HNRNPA1L2: variants seen among roughly 807,000 people sequenced by gnomAD.
HNRNPA1L2 encodes the protein heterogeneous nuclear ribonucleoprotein A1-like 2.
A neutral mutation model predicts 18.2 loss-of-function variants in HNRNPA1L2; 10 were observed. The observed-to-expected ratio is 0.55, with a 90% CI of 0.34 to 0.93. HNRNPA1L2 has a LOEUF of 0.93. Among genes scored for constraint, HNRNPA1L2 ranks in the 40% least tolerant of loss-of-function variants. The probability of loss-of-function intolerance (pLI) is 0.02; values close to 1 mark genes in which losing one functional copy is unlikely to be tolerated. For missense variants in HNRNPA1L2, 308 were observed against 394.4 expected (o/e 0.78, Z 1.85); for synonymous variants, 124 against 138.6 (o/e 0.89, Z 0.74).
chr13:52,632,855 T>C, the HNRNPA1L2 span, among the ~76,000 whole-genome samples: 1 of 152,224 alleles, frequency 6.6e-6, no homozygotes, highest in Admixed American at 6.5e-5. Context: ...CTGTTTTCCT[T>C]GATATGTTTT....
chr13:52,641,042 C>CT (rs1236351887), upstream of HNRNPA1L2: 2 of 152,230 alleles, frequency 1.3e-5, no homozygotes, highest in African/African-American at 4.8e-5. Flanking sequence ...ATGCAAACTT[C>CT]TGAACAGGGT....
At chr13:52,637,376 A>C in the HNRNPA1L2 span, 4 of 237,544 alleles carry the variant, frequency 1.7e-5, no homozygotes, top group African/African-American at 9.2e-5. Flanking sequence ...ACCCCTTGAG[A>C]ATGAGATTGA....
chr13:52,634,545 C>T, the HNRNPA1L2 span, among the ~76,000 whole-genome samples: 2 of 152,280 alleles, frequency 1.3e-5, no homozygotes, highest in African/African-American at 2.4e-5. Flanking sequence ...AGAATAGCAA[C>T]ATATGGAAAC....
chr13:52,631,489 G>A, the HNRNPA1L2 span, among the ~76,000 whole-genome samples: 5 of 152,130 alleles, frequency 3.3e-5, no homozygotes, highest in Non-Finnish European at 2.9e-5. Flanking sequence ...CCTGTTCACC[G>A]GACGTTCGGT....
the HNRNPA1L2 span, among the ~76,000 whole-genome samples, chr13:52,631,393 C>T: frequency 6.6e-6 from 1 of 152,176 alleles, no homozygotes; most frequent in Non-Finnish European, 1.5e-5. Context: ...ATGTCCATTC[C>T]CTTTCTCTGT....
the HNRNPA1L2 span, among the ~76,000 whole-genome samples, chr13:52,620,843 A>T: frequency 6.6e-6 from 1 of 151,790 alleles, no homozygotes; most frequent in African/African-American, 2.4e-5. Context: ...ACGCCACTGC[A>T]CTCCAGCCTG....
chr13:52,631,304 A>G, the HNRNPA1L2 span, among the ~76,000 whole-genome samples: 1 of 152,206 alleles, frequency 6.6e-6, no homozygotes, highest in Non-Finnish European at 1.5e-5. Context: ...TGAAAGTGAA[A>G]CCTAGCTTAA....
chr13:52,624,914 G>C, the HNRNPA1L2 span, among the ~76,000 whole-genome samples: 4 of 151,858 alleles, frequency 2.6e-5, no homozygotes, highest in Non-Finnish European at 5.9e-5. Flanking sequence ...GACTGTAATC[G>C]CAGTTACTCG....
the HNRNPA1L2 span, among the ~76,000 whole-genome samples, chr13:52,620,877 CAAA>C: frequency 2.1e-5 from 3 of 142,740 alleles, no homozygotes; most frequent in African/African-American, 7.8e-5. Flanking sequence ...GACCCTGTCT[CAAA>C]AAAAAAAAAA....
the HNRNPA1L2 span, among the ~76,000 whole-genome samples, chr13:52,621,751 CA>C: frequency 0.25 from 37,604 of 151,972 alleles, 5,775 homozygotes; most frequent in Middle Eastern, 0.36. Flanking sequence ...TCCTTATCTG[CA>C]AAATGGAGAC....
chr13:52,619,919 CAAAAAAAAAAA>C, the HNRNPA1L2 span, among the ~76,000 whole-genome samples: 6 of 69,148 alleles, frequency 8.7e-5, no homozygotes, highest in East Asian at 5.0e-4. Context: ...GATTCCGTCT[CAAAAAAAAAAA>C]AAAAAAAAAA....
chr13:52,640,121 T>A (rs1220774315), upstream of HNRNPA1L2, among the ~76,000 whole-genome samples: 3 of 152,136 alleles, frequency 2.0e-5, no homozygotes, highest in Admixed American at 1.3e-4. Context: ...TGTGTATTTT[T>A]GTAGAAAGGG....
chr13:52,621,354 T>C, the HNRNPA1L2 span, among the ~76,000 whole-genome samples: 320 of 152,326 alleles, frequency 2.1e-3, no homozygotes, highest in Non-Finnish European at 3.5e-3. Context: ...TTGATGAGAA[T>C]GTTGATCAGA....
At chr13:52,623,836 G>A in the HNRNPA1L2 span, among the ~76,000 whole-genome samples, 11,439 of 152,256 alleles carry the variant, frequency 0.075, 571 homozygotes, top group African/African-American at 0.14. Flanking sequence ...TGGGTTAGCA[G>A]TTTGGCTGGA....
chr13:52,622,046 A>G, the HNRNPA1L2 span: 1 of 157,222 alleles, frequency 6.4e-6, no homozygotes. Flanking sequence ...GTAGCAAGAA[A>G]GTTGAGCAGT....
chr13:52,637,915 T>C (rs948883089), upstream of HNRNPA1L2, among the ~76,000 whole-genome samples: 13 of 152,162 alleles, frequency 8.5e-5, no homozygotes, highest in African/African-American at 3.1e-4. Flanking sequence ...TTTCAAGGAA[T>C]GAATGGAAAT....
chr13:52,635,892 G>A, the HNRNPA1L2 span, among the ~76,000 whole-genome samples: 9 of 149,340 alleles, frequency 6.0e-5, no homozygotes, highest in South Asian at 4.2e-4. Context: ...GTGCAATGGC[G>A]CGACCTCGGC....
chr13:52,626,018 G>T, the HNRNPA1L2 span, among the ~76,000 whole-genome samples: 1 of 151,932 alleles, frequency 6.6e-6, no homozygotes, highest in East Asian at 1.9e-4. Flanking sequence ...GAGCTCAAGC[G>T]ATCCTCCCTC....
chr13:52,618,542 G>A, the HNRNPA1L2 span, among the ~76,000 whole-genome samples: 1 of 152,214 alleles, frequency 6.6e-6, no homozygotes, highest in Non-Finnish European at 1.5e-5. Flanking sequence ...GACATCATGG[G>A]ATAATGGTAG....
Sources: gnomAD v4.1 joint callset for allele counts (sites outside exome capture counted in the v4.1 genomes callset) on GRCh38, gnomAD v4.1.1 for gene constraint, MANE v1.5 for transcripts, NCBI Gene and HGNC (gene_info 2026-07-23, HGNC 2026-07-21) for gene names.